CNTNAP5: variants seen among roughly 807,000 people sequenced by gnomAD.
CNTNAP5 encodes the protein contactin-associated protein-like 5.
CNTNAP5 carries 72 observed loss-of-function variants against 150.2 expected under a neutral mutation model. The observed-to-expected ratio is 0.48, with a 90% CI of 0.40 to 0.58. The LOEUF is 0.58. Among genes scored for constraint, CNTNAP5 ranks in the 20% least tolerant of loss-of-function variants. CNTNAP5 has a pLI of 0.00. For synonymous variants in CNTNAP5, 672 were observed against 619.8 expected, an observed-to-expected ratio of 1.08 and a Z score of -1.25; for missense variants, 1,636 against 1,626.2, an observed-to-expected ratio of 1.01 and a Z score of -0.10.
chr2:124,920,357 G>A lies in CNTNAP5; in HGVS notation c.*6069G>A, dbSNP rs746967603. On this transcript the variant is annotated 3_prime_UTR_variant, in exon 24 of 24. Transcript: ENST00000682447. ...GAAACCTTGAAGGGAAAATATTAAC[G>A]GGCATCAGCCTGGGCATACTTTCCC... Among the ~76,000 whole-genome samples, 2 of 152,008 alleles carry A rather than the reference G, an allele frequency of 1.3e-5. No homozygotes were observed. The highest frequency in any genetic ancestry group is 1.5e-5 in the Non-Finnish European group (1 of 68,002).
chr2:124,173,079 G>A (rs1684972470), intron 1 of CNTNAP5, among the ~76,000 whole-genome samples: 1 of 151,968 alleles, frequency 6.6e-6, no homozygotes, highest in Admixed American at 6.6e-5. Context: ...TTTAATGTTA[G>A]TTATCCTTTT....
intron 8 of CNTNAP5, among the ~76,000 whole-genome samples, chr2:124,508,788 G>A (rs1017934654): frequency 3.3e-5 from 5 of 152,188 alleles, no homozygotes; most frequent in African/African-American, 1.2e-4. Context: ...TTTAGAAAAG[G>A]ATCAAGGTTT....
Position 124,865,302 on chromosome 2 carries a change from C to T in CNTNAP5, c.3218-4C>T. ...ATTCTAATTTCTAATATTTTTCTTT[C>T]AAGGAAGCTTACAGGTTCGCTATCA... On this transcript the variant is annotated splice_region_variant and splice_polypyrimidine_tract_variant and intron_variant, in intron 19 of 23. Coordinates refer to ENST00000682447, the MANE Select transcript of CNTNAP5 (RefSeq NM_001367498.1). 6.4e-7 allele frequency: 1 copy of T among 1,554,638 alleles called. No individual in the cohort carries two copies. Among genetic ancestry groups the T allele is most frequent in the Non-Finnish European group, 8.7e-7 (1 of 1,148,164 alleles).
At chr2:124,040,777 A>C (rs1465974847) in intron 1 of CNTNAP5, among the ~76,000 whole-genome samples, 2 of 152,102 alleles carry the variant, frequency 1.3e-5, no homozygotes, top group Non-Finnish European at 2.9e-5. Context: ...TGTTGTTCTT[A>C]TTATAACTGT....
intron 3 of CNTNAP5, among the ~76,000 whole-genome samples, chr2:124,409,603 C>T (rs2104767703): frequency 9.1e-6 from 1 of 110,028 alleles, no homozygotes; most frequent in African/African-American, 3.5e-5. Context: ...ATTTTCAACC[C>T]AGAATTTCAT....
At chr2:124,349,912 TCTAA>T (rs769602309) in intron 3 of CNTNAP5, among the ~76,000 whole-genome samples, 30 of 112,054 alleles carry the variant, frequency 2.7e-4, no homozygotes, top group Non-Finnish European at 4.8e-4. Context: ...TGAGACAGAG[TCTAA>T]CTATGTCGCC....
chr2:124,504,873 A>AT (rs1054777348), intron 8 of CNTNAP5, among the ~76,000 whole-genome samples: 10 of 151,492 alleles, frequency 6.6e-5, no homozygotes, highest in South Asian at 6.3e-4. Flanking sequence ...CATCCAGCTA[A>AT]TTTTTTTTAT....
chr2:124,529,771 C>G (rs1695062536), intron 10 of CNTNAP5, among the ~76,000 whole-genome samples: 1 of 152,116 alleles, frequency 6.6e-6, no homozygotes, highest in Admixed American at 6.6e-5. Flanking sequence ...GTCTGGAAAG[C>G]CCACAGAGGA....
At chr2:124,401,852 T>C (rs1483431535) in intron 3 of CNTNAP5, among the ~76,000 whole-genome samples, 1 of 152,208 alleles carries the variant, frequency 6.6e-6, no homozygotes, top group African/African-American at 2.4e-5. Context: ...TACGGGAAGC[T>C]GGGCTTTTCT....
chr2:124,585,211 CCTTTCAGG>C (rs1403906120), intron 11 of CNTNAP5, among the ~76,000 whole-genome samples: 4 of 152,154 alleles, frequency 2.6e-5, no homozygotes, highest in Non-Finnish European at 4.4e-5. Flanking sequence ...CACTCCATTT[CCTTTCAGG>C]TCCTGGGGAG....
chr2:124,050,824 T>G (rs1681676646), intron 1 of CNTNAP5, among the ~76,000 whole-genome samples: 1 of 152,224 alleles, frequency 6.6e-6, no homozygotes, highest in Non-Finnish European at 1.5e-5. Flanking sequence ...GATTGCACTT[T>G]GCATACTCTG....
chr2:124,900,652 C>A lies in CNTNAP5; in HGVS notation c.3437-2230C>A, dbSNP rs530928775. 1.3e-4 allele frequency among the ~76,000 whole-genome samples: 20 copies of A among 151,700 alleles called. 1 individual carries two copies. Among genetic ancestry groups the A allele is most frequent in the African/African-American group, 4.9e-4 (20 of 41,054 alleles). ...TCATGACAGTCACTATAGTGATGTCCTCCAAGGACCTGGACACTATGTAGG... is the reference window on the plus strand; with the variant it reads ...TCATGACAGTCACTATAGTGATGTCATCCAAGGACCTGGACACTATGTAGG... On this transcript the variant is annotated intron_variant, in intron 21 of 23. Coordinates refer to ENST00000682447, the MANE Select transcript of CNTNAP5 (RefSeq NM_001367498.1).
In CNTNAP5 at chr2:124,419,152, A is replaced by AAAAAAAAAAAAAAAC. The variant is rs772412223; in HGVS notation, c.529+1573_529+1574insAAACAAAAAAAAAAA. 3.0e-4 allele frequency among the ~76,000 whole-genome samples: 36 copies of AAAAAAAAAAAAAAAC among 121,014 alleles called. 1 individual carries two copies. The highest frequency in any genetic ancestry group is 6.0e-4 in the Non-Finnish European group (33 of 54,874). 79.4% of individuals were successfully genotyped at this position (121,014 alleles called of 152,430 possible). A position where few individuals can be genotyped will look rare whatever the true frequency, so the allele number is the denominator to read the frequency against. On this transcript the variant is annotated intron_variant, in intron 4 of 23. Transcript: ENST00000682447. ...CGAGACTCCTTCTCAAAAAAAAAAA[A>AAAAAAAAAAAAAAAC]AAAAAAAAAAACAGTATGAAGCTTT...
intron 17 of CNTNAP5, among the ~76,000 whole-genome samples, chr2:124,778,955 C>G (rs1330685052): frequency 6.6e-6 from 1 of 152,154 alleles, no homozygotes; most frequent in African/African-American, 2.4e-5. Context: ...GTGCCATGCT[C>G]CAATTCGGCT....
At chr2:124,301,724 A>T (rs1688571043) in intron 3 of CNTNAP5, among the ~76,000 whole-genome samples, 1 of 152,194 alleles carries the variant, frequency 6.6e-6, no homozygotes, top group South Asian at 2.1e-4. Flanking sequence ...CTGATGCAAC[A>T]GCAACTGTTG....
chr2:124,452,938 C>A (rs563159698), intron 6 of CNTNAP5, among the ~76,000 whole-genome samples: 2 of 152,126 alleles, frequency 1.3e-5, no homozygotes, highest in Non-Finnish European at 2.9e-5. Flanking sequence ...AACCAGAAAA[C>A]CAACTCTGAT....
chr2:124,414,434 G>C (rs1391958295), intron 3 of CNTNAP5, among the ~76,000 whole-genome samples: 2 of 152,092 alleles, frequency 1.3e-5, no homozygotes, highest in Non-Finnish European at 2.9e-5. Flanking sequence ...AAAACTTCCA[G>C]ATCTCAGAAC....
At chr2:124,204,302 C>A (rs1268385707) in intron 1 of CNTNAP5, among the ~76,000 whole-genome samples, 1 of 152,200 alleles carries the variant, frequency 6.6e-6, no homozygotes, top group Non-Finnish European at 1.5e-5. Flanking sequence ...TCTGAGACCA[C>A]CTCAGCCTGG....
chr2:124,257,346 C>T (rs1366879003), intron 3 of CNTNAP5, among the ~76,000 whole-genome samples: 2 of 152,222 alleles, frequency 1.3e-5, no homozygotes, highest in Non-Finnish European at 2.9e-5. Context: ...GCACTGAACA[C>T]AGCAGCCTGC....
Sources: gnomAD v4.1 joint callset for allele counts (sites outside exome capture counted in the v4.1 genomes callset) on GRCh38, gnomAD v4.1.1 for gene constraint, MANE v1.5 for transcripts, NCBI Gene and HGNC (gene_info 2026-07-23, HGNC 2026-07-21) for gene names.